The following SIPA1 variants were observed in gnomAD, a reference collection of about 807,000 sequenced individuals.
SIPA1 encodes the protein signal-induced proliferation-associated 1.
A neutral mutation model predicts 88.1 loss-of-function variants in SIPA1; 51 were observed. The ratio of observed to expected loss-of-function variants is 0.58; its 90% CI spans 0.46 to 0.73. The LOEUF (loss-of-function observed/expected upper bound fraction) is 0.73, where lower values mean the gene tolerates loss of function less well. Among genes scored for constraint, SIPA1 ranks in the 30% least tolerant of loss-of-function variants. The probability of loss-of-function intolerance (pLI) is 0.00; values close to 1 mark genes in which losing one functional copy is unlikely to be tolerated. For missense variants in SIPA1, 1,348 were observed against 1,467.6 expected, an observed-to-expected ratio of 0.92 and a Z score of 1.33; for synonymous variants, 681 against 664.8, an observed-to-expected ratio of 1.02 and a Z score of -0.37.
Position 65,642,692 on chromosome 11 carries a change from C to T in SIPA1, c.984+53C>T. 7.0e-7 allele frequency: 1 copy of T among 1,425,740 alleles called. No individual in the cohort carries two copies. The highest frequency in any genetic ancestry group is 9.3e-7 in the Non-Finnish European group (1 of 1,078,764). The allele number at this position is 1,425,740 out of a possible 1,614,324, so 88.3% of individuals were successfully genotyped here. ...CCATACAGCTGGCCCCAGTCTGAAC[C>T]CAGCCTGCCCAGCTCCCAAACCCCT... is the stretch of plus-strand genomic sequence containing the variant. On this transcript the variant is annotated intron_variant, in intron 4 of 15. Transcript: ENST00000534313. This position sits in a 1 kb window ranked among gnomAD's most constrained non-coding sequence, Gnocchi z 6.5.
In SIPA1 at chr11:65,640,968, C is replaced by T; in HGVS notation, c.47C>T (p.Ala16Val). Reference sequence around the variant, plus strand: ...GTGGGGAGCCCTCGGCGGGGCATGGCCCCTGCGTCCACAGATGACCTCTTT... The same window carrying T: ...GTGGGGAGCCCTCGGCGGGGCATGGTCCCTGCGTCCACAGATGACCTCTTT... ...GGVGSPRRGM[A>V]PASTDDLFAR... is the part of the protein sequence containing the mutation. Residue 16 changes from alanine to valine, a missense_variant, in exon 2 of 16, where the codon GCC becomes GTC. Ala to Val is a moderately conservative substitution (Grantham distance 64). Around this residue, in one of 4 missense-constraint regions of SIPA1, gnomAD observed 641 missense variants for 797.7 expected, o/e 0.80. Transcript: ENST00000534313. The T allele has an allele frequency of 6.4e-7, 1 of 1,568,506 alleles. No homozygotes were observed. Among genetic ancestry groups the T allele is most frequent in the Admixed American group, 1.8e-5 (1 of 54,808 alleles).
rs972645536 is a variant in SIPA1, at chr11:65,646,391, G to C, written c.1421+13G>C. 61 of 1,606,308 alleles carry C rather than the reference G, an allele frequency of 3.8e-5. No homozygotes were observed. The highest frequency in any genetic ancestry group is 5.2e-5 in the Non-Finnish European group (61 of 1,179,004). On this transcript the variant is annotated intron_variant, in intron 7 of 15. Transcript: ENST00000534313. This position sits in a 1 kb window ranked among gnomAD's most constrained non-coding sequence, Gnocchi z 7.5. The stretch of plus-strand genomic sequence containing the variant: ...ACACCACCTACAGGTGGGCACCGGA[G>C]TGGTCCCAGGTCTCCCGTGGGCATG...
Position 65,641,315 on chromosome 11 carries a change from T to C in SIPA1, c.394T>C (p.Ser132Pro). 3.1e-6 allele frequency: 5 copies of C among 1,613,458 alleles called. No homozygotes were observed. Among genetic ancestry groups the C allele is most frequent in the Non-Finnish European group, 4.2e-6 (5 of 1,180,016 alleles). ...QSLLFDWAPR[S>P]QGMGSHSEAS... ...CCTGCTCTTTGATTGGGCTCCGAGGTCTCAGGGGATGGGGAGCCACTCAGA... is the reference window on the plus strand; with the variant it reads ...CCTGCTCTTTGATTGGGCTCCGAGGCCTCAGGGGATGGGGAGCCACTCAGA... The change falls in exon 2 of 16, where the codon TCT (serine) becomes CCT (proline). Residue 132 changes from serine to proline, a missense_variant. Around this residue, in one of 4 missense-constraint regions of SIPA1, gnomAD observed 641 missense variants for 797.7 expected, o/e 0.80. Coordinates refer to ENST00000534313, the MANE Select transcript of SIPA1 (RefSeq NM_006747.4).
In SIPA1 at chr11:65,642,122, A is replaced by C. The variant is rs1856016276; in HGVS notation, c.680-128A>C. ...GAGCTCGGGGCTACAGAGGGGCGGG[A>C]CTTAGTCTAGGGTCAACATTTGGTG... On this transcript the variant is annotated intron_variant, in intron 2 of 15. Transcript: ENST00000534313. The surrounding 1 kb of genome is among the most constrained non-coding windows in gnomAD (Gnocchi z 6.5). 2 of 1,300,346 alleles carry C rather than the reference A, an allele frequency of 1.5e-6. No homozygotes were observed. The highest frequency in any genetic ancestry group is 2.1e-6 in the Non-Finnish European group (2 of 949,724). 80.6% of individuals were successfully genotyped at this position (1,300,346 alleles called of 1,614,324 possible).
rs374197908 is a variant in SIPA1 at position 65,650,719 on chromosome 11, G to C, written c.*4G>C. The stretch of plus-strand genomic sequence containing the variant: ...ACCCACCGCCGACCTGGCCTGAGCC[G>C]TCTGGAACCACCTGGGCCCCTGAGG... On this transcript the variant is annotated 3_prime_UTR_variant, in exon 16 of 16. Coordinates refer to ENST00000534313, the MANE Select transcript of SIPA1 (RefSeq NM_006747.4). 1.9e-5 allele frequency: 30 copies of C among 1,566,510 alleles called. No homozygotes were observed. The highest frequency in any genetic ancestry group is 5.5e-5 in the Admixed American group (3 of 54,252).
In SIPA1 at chr11:65,646,486, T is replaced by A; in HGVS notation, c.1452T>A (p.Pro484=). The A allele has an allele frequency of 1.3e-6, 2 of 1,582,424 alleles. No individual in the cohort carries two copies. Among genetic ancestry groups the A allele is most frequent in the Non-Finnish European group, 8.5e-7 (1 of 1,170,502 alleles). The change falls in exon 8 of 16, where the codon CCT becomes CCA. Residue 484 remains proline (P), a synonymous_variant. Coordinates refer to ENST00000534313, the MANE Select transcript of SIPA1 (RefSeq NM_006747.4). This position sits in a 1 kb window ranked among gnomAD's most constrained non-coding sequence, Gnocchi z 7.5. ...CCGTGAGCCGCACCCAGGACACCCC[T>A]GCCTTCGGGCCAGCTCTGCCTGCTG... ...RVAVSRTQDT[P]AFGPALPAGG... is the part of the protein sequence containing the mutation.
Position 65,642,095 on chromosome 11 carries a change from T to G in SIPA1, c.680-155T>G. The G allele has an allele frequency of 1.8e-6, 2 of 1,100,074 alleles. No individual in the cohort carries two copies. Among genetic ancestry groups the G allele is most frequent in the Non-Finnish European group, 2.6e-6 (2 of 776,550 alleles). 68.1% of individuals were successfully genotyped at this position (1,100,074 alleles called of 1,614,324 possible). ...CTGGGTCAGGGTTGAGATCAAGATA[T>G]TGAGCTCGGGGCTACAGAGGGGCGG... On this transcript the variant is annotated intron_variant, in intron 2 of 15. Transcript: ENST00000534313. The surrounding 1 kb of genome is among the most constrained non-coding windows in gnomAD (Gnocchi z 6.5).
rs1176020638 is a variant in SIPA1, at chr11:65,646,659, A to G, written c.1625A>G (p.Asn542Ser). Residue 542 changes from asparagine to serine, a missense_variant, in exon 8 of 16, where the codon AAC becomes AGC. By Grantham distance (46) the Asn-to-Ser change is conservative. Transcript: ENST00000534313. This position sits in a 1 kb window ranked among gnomAD's most constrained non-coding sequence, Gnocchi z 7.5. ...CAGTACCTGCAAGACCTGGCCACCA[A>G]CGAGGTGACCACTACGTCGCTGGAC... is the stretch of plus-strand genomic sequence containing the variant. ...RQQYLQDLAT[N>S]EVTTTSLDSA... is the part of the protein sequence containing the mutation. 1.9e-6 allele frequency: 3 copies of G among 1,547,622 alleles called. No individual in the cohort carries two copies. The highest frequency in any genetic ancestry group is 2.6e-6 in the Non-Finnish European group (3 of 1,149,090).
In SIPA1 at chr11:65,647,536, C is replaced by T. The variant is rs1856154253; in HGVS notation, c.2184C>T (p.Leu728=). 11 of 1,345,626 alleles carry T rather than the reference C, an allele frequency of 8.2e-6. No individual in the cohort carries two copies. Among genetic ancestry groups the T allele is most frequent in the Non-Finnish European group, 9.5e-6 (10 of 1,051,358 alleles). The allele number at this position is 1,345,626 out of a possible 1,614,324, so 83.4% of individuals were successfully genotyped here. A position where few individuals can be genotyped will look rare whatever the true frequency, so the allele number is the denominator to read the frequency against. Residue 728 remains leucine, a synonymous_variant, in exon 9 of 16, where the codon CTC becomes CTT. Transcript: ENST00000534313. ...CGGGGCTGCGGCCCGGGGCGCGCCTCCTGCGCGTGTGCGGCCAGACTCTGC... is the reference window on the plus strand; with the variant it reads ...CGGGGCTGCGGCCCGGGGCGCGCCTTCTGCGCGTGTGCGGCCAGACTCTGC... ...ETAGLRPGAR[L]LRVCGQTLPS...
chr11:65,640,501 A>G (rs986094043), intron 1 of SIPA1, among the ~76,000 whole-genome samples: 3 of 152,230 alleles, frequency 2.0e-5, no homozygotes, highest in African/African-American at 7.2e-5. Context: ...CGGTTGGGCT[A>G]GGTCCTGGTG....
intron 5 of SIPA1, 98 bp from the exon 6 acceptor site, chr11:65,645,756 G>T: frequency 1.3e-6 from 1 of 743,434 alleles, no homozygotes; most frequent in South Asian, 1.9e-5. Context: ...CTGCTGTTTG[G>T]GGCACAGAGG....
intron 14 of SIPA1, 93 bp from the exon 15 acceptor site, chr11:65,650,308 C>T: frequency 1.9e-6 from 3 of 1,547,774 alleles, no homozygotes; most frequent in Non-Finnish European, 2.7e-6. Flanking sequence ...CCTAGAAGAC[C>T]AGCGGGGCCC....
Position 65,649,965 on chromosome 11 carries a change from G to T in SIPA1, c.2762G>T (p.Gly921Val), listed in dbSNP as rs72556578. The part of the protein sequence containing the change: ...NSISRIMSEA[G>V]SGTLEDEWQA... ...GTGCCCACAGTCATGTCGGAGGCGG[G>T]CAGTGGGACCCTGGAGGACGAGTGG... The change falls in exon 13 of 16, where the codon GGC becomes GTC. Residue 921 changes from glycine to valine, a missense_variant. Physicochemically the swap from Gly to Val is moderately radical, Grantham distance 109 (BLOSUM62 -3). Coordinates refer to ENST00000534313, the MANE Select transcript of SIPA1 (RefSeq NM_006747.4). The T allele has an allele frequency of 5.4e-3, 8,726 of 1,614,004 alleles. 358 individuals carry two copies. The African/African-American group carries it at 0.096, about 18-fold the overall frequency.
chr11:65,647,230 A>G, intron 8 of SIPA1, 154 bp from the exon 9 acceptor site: 2 of 1,390,570 alleles, frequency 1.4e-6, no homozygotes, highest in East Asian at 5.4e-5. Context: ...CCCTCGGGTA[A>G]GCGACTTCTG....
Position 65,642,759 on chromosome 11 carries a change from A to G in SIPA1, c.984+120A>G. 1 of 977,770 alleles carries G rather than the reference A, an allele frequency of 1.0e-6. No homozygotes were observed. The highest frequency in any genetic ancestry group is 1.4e-6 in the Non-Finnish European group (1 of 697,130). The allele number at this position is 977,770 out of a possible 1,614,324, so 60.6% of individuals were successfully genotyped here. A position where few individuals can be genotyped will look rare whatever the true frequency, so the allele number is the denominator to read the frequency against. On this transcript the variant is annotated intron_variant, in intron 4 of 15. Transcript: ENST00000534313. This position sits in a 1 kb window ranked among gnomAD's most constrained non-coding sequence, Gnocchi z 6.5. ...CTGGGCTGGGTGGTGACCCCAGAAGAGCTGGCTTTTCAGAGACAGGGCATC... is the reference window on the plus strand; with the variant it reads ...CTGGGCTGGGTGGTGACCCCAGAAGGGCTGGCTTTTCAGAGACAGGGCATC...
intron 8 of SIPA1, 111 bp from the exon 9 acceptor site, chr11:65,647,273 C>A: frequency 7.3e-7 from 1 of 1,366,626 alleles, no homozygotes; most frequent in African/African-American, 1.5e-5. Context: ...CACACGCGGC[C>A]CTCGGGGACT....
chr11:65,641,880 T>A (rs1053653922), intron 2 of SIPA1, among the ~76,000 whole-genome samples: 7 of 152,202 alleles, frequency 4.6e-5, no homozygotes, highest in South Asian at 2.1e-4. Flanking sequence ...AGAGATTCCC[T>A]ATGGGCTTTT....
In SIPA1 at chr11:65,642,901, C is replaced by CTTTCTTTATTTATTTATTTA. The variant is rs1555003564; in HGVS notation, c.984+265_984+266insCTTTATTTATTTATTTATTT. On this transcript the variant is annotated intron_variant, in intron 4 of 15. Transcript: ENST00000534313. This position sits in a 1 kb window ranked among gnomAD's most constrained non-coding sequence, Gnocchi z 6.5. ...CAGACCATCTGAATCAGAGTTTGCACTTTATTTATTTATTTATTTATTTAT... is the reference window on the plus strand; with the variant it reads ...CAGACCATCTGAATCAGAGTTTGCACTTTCTTTATTTATTTATTTATTTATTTATTTATTTATTTATTTAT... 1.5e-3 allele frequency among the ~76,000 whole-genome samples: 226 copies of CTTTCTTTATTTATTTATTTA among 146,962 alleles called. 2 individuals carry two copies. Among genetic ancestry groups the CTTTCTTTATTTATTTATTTA allele is most frequent in the African/African-American group, 5.6e-3 (221 of 39,412 alleles).
chr11:65,645,940 C>A lies in SIPA1; in HGVS notation c.1246C>A (p.Pro416Thr), dbSNP rs1213951972. Reference protein sequence around the residue: ...FHVSTMLPYTPNNQQQLLRKR... With the variant: ...FHVSTMLPYTTNNQQQLLRKR... ...CGTGTCCACGATGCTGCCTTACACC[C>A]CTAATAACCAGCAGCAGGTGTGAGG... is the stretch of plus-strand genomic sequence containing the variant. Residue 416 changes from proline to threonine, a missense_variant, in exon 6 of 16, where the codon CCT (proline) becomes ACT (threonine). Around this residue, in one of 4 missense-constraint regions of SIPA1, gnomAD observed 641 missense variants for 797.7 expected, o/e 0.80. Transcript: ENST00000534313. 1 of 1,612,442 alleles carries A rather than the reference C, an allele frequency of 6.2e-7. No individual in the cohort carries two copies. The highest frequency in any genetic ancestry group is 8.5e-7 in the Non-Finnish European group (1 of 1,178,998).
Sources: allele counts gnomAD v4.1 joint callset (sites outside exome capture counted in the v4.1 genomes callset), GRCh38; gene constraint gnomAD v4.1.1; regional missense constraint gnomAD v4.1.1; non-coding constraint Gnocchi (gnomAD v3.1); transcripts MANE v1.5; gene names NCBI Gene and HGNC (gene_info 2026-07-23, HGNC 2026-07-21).